The following SPOCK3 variants were observed in gnomAD, a reference collection of about 807,000 sequenced individuals.
SPOCK3 encodes the protein testican-3.
In SPOCK3, 30 loss-of-function variants were observed where a neutral mutation model predicts 56.6. The ratio of observed to expected loss-of-function variants is 0.53; its 90% CI spans 0.40 to 0.72. The LOEUF (loss-of-function observed/expected upper bound fraction) is 0.72, where lower values mean the gene tolerates loss of function less well. SPOCK3 is among the 30% of genes least tolerant of loss of function. The probability of loss-of-function intolerance (pLI) is 0.00; values close to 1 mark genes in which losing one functional copy is unlikely to be tolerated. For synonymous variants in SPOCK3, 196 were observed against 183.3 expected (o/e 1.07, Z -0.56); for missense variants, 527 against 530.0 (o/e 0.99, Z 0.06).
chr4:167,012,822 T>C (rs1382028192), intron 3 of SPOCK3, among the ~76,000 whole-genome samples: 1 of 152,028 alleles, frequency 6.6e-6, no homozygotes, highest in East Asian at 1.9e-4. Context: ...TGATAGCAGT[T>C]TCTTTCATTG....
At chr4:166,818,668 CTGT>C (rs2126752072) in intron 6 of SPOCK3, among the ~76,000 whole-genome samples, 1 of 152,030 alleles carries the variant, frequency 6.6e-6, no homozygotes, top group East Asian at 1.9e-4. Context: ...ATGGTAAAAG[CTGT>C]TGTTGAAAAT....
intron 5 of SPOCK3, among the ~76,000 whole-genome samples, chr4:166,910,328 T>G (rs1367311334): frequency 4.6e-5 from 7 of 152,164 alleles, no homozygotes; most frequent in Non-Finnish European, 8.8e-5. Flanking sequence ...AAGTGACATT[T>G]ATGTAAATAA....
At chr4:166,739,212 G>C (rs1734568371) in intron 9 of SPOCK3, among the ~76,000 whole-genome samples, 1 of 152,070 alleles carries the variant, frequency 6.6e-6, no homozygotes, top group South Asian at 2.1e-4. Flanking sequence ...GCATTTCTCT[G>C]ATGGCCAGTG....
At chr4:166,817,044 G>T (rs1037629) in intron 6 of SPOCK3, among the ~76,000 whole-genome samples, 1 of 151,810 alleles carries the variant, frequency 6.6e-6, no homozygotes, top group African/African-American at 2.4e-5. Flanking sequence ...TTGGCAGAAG[G>T]CCCAGACTCA....
rs145003655 is a variant in SPOCK3 at position 167,124,640 on chromosome 4, G to A, written c.190-62103C>T. On this transcript the variant is annotated intron_variant, in intron 2 of 10. Coordinates refer to ENST00000357545, the MANE Select transcript of SPOCK3 (RefSeq NM_001040159.2). Reference sequence around the variant, plus strand: ...GATGCAACAGCTTTCTATTAAGTTTGCCTTATCTTTTTTTTTTCTTGAGAC... The same window carrying A: ...GATGCAACAGCTTTCTATTAAGTTTACCTTATCTTTTTTTTTTCTTGAGAC... Among the ~76,000 whole-genome samples the A allele has an allele frequency of 2.7e-3, 391 of 147,452 alleles. 2 individuals are homozygous for A. The highest frequency in any genetic ancestry group is 3.5e-3 in the Middle Eastern group (1 of 288).
At chr4:166,862,707 T>A (rs1279913909) in intron 6 of SPOCK3, among the ~76,000 whole-genome samples, 1 of 152,050 alleles carries the variant, frequency 6.6e-6, no homozygotes, top group Non-Finnish European at 1.5e-5. Context: ...TTCTAGCAGA[T>A]AAGTCAAGTA....
In SPOCK3 at chr4:167,074,744, C is replaced by A. The variant is rs116681923; in HGVS notation, c.190-12207G>T. ...GAGGTTCTCTTCCACAGAGGGAGGG[C>A]GAGGAGTTGCTGGAAAATCTCTGGA... is the stretch of plus-strand genomic sequence containing the variant. On this transcript the variant is annotated intron_variant, in intron 2 of 10. Coordinates refer to ENST00000357545, the MANE Select transcript of SPOCK3 (RefSeq NM_001040159.2). Among the ~76,000 whole-genome samples, 13 of 151,846 alleles carry A rather than the reference C, an allele frequency of 8.6e-5. No individual in the cohort carries two copies. In the East Asian group the frequency reaches 1.6e-3, roughly 18 times the overall value.
chr4:166,928,134 C>A (rs976084759), intron 4 of SPOCK3, among the ~76,000 whole-genome samples: 1 of 152,124 alleles, frequency 6.6e-6, no homozygotes, highest in Admixed American at 6.5e-5. Flanking sequence ...GGTGGGAATG[C>A]AAAATGATAC....
At chr4:167,087,795 A>G (rs1307921773) in intron 2 of SPOCK3, among the ~76,000 whole-genome samples, 1 of 152,194 alleles carries the variant, frequency 6.6e-6, no homozygotes, top group East Asian at 1.9e-4. Context: ...ATGGACTATC[A>G]GGATAGAATT....
At chr4:167,214,942 C>T (rs1374986780) in intron 2 of SPOCK3, among the ~76,000 whole-genome samples, 1 of 151,308 alleles carries the variant, frequency 6.6e-6, no homozygotes, top group Non-Finnish European at 1.5e-5. Context: ...GTTGCATATG[C>T]CATGGCAAAC....
chr4:167,137,009 A>G (rs1330291233), intron 2 of SPOCK3, among the ~76,000 whole-genome samples: 1 of 152,090 alleles, frequency 6.6e-6, no homozygotes, highest in African/African-American at 2.4e-5. Context: ...TTGATTATGG[A>G]AAAATCCAGC....
At chr4:166,946,473 C>T (rs756259529) in intron 4 of SPOCK3, among the ~76,000 whole-genome samples, 2 of 152,180 alleles carry the variant, frequency 1.3e-5, no homozygotes, top group Non-Finnish European at 2.9e-5. Flanking sequence ...TTCCTGCTAA[C>T]CTGTGCCGCC....
chr4:166,934,131 A>G (rs1351203624), intron 4 of SPOCK3, among the ~76,000 whole-genome samples: 1 of 152,134 alleles, frequency 6.6e-6, no homozygotes. Context: ...CAAAGAAAAC[A>G]ATGGAGAAAA....
At chr4:167,203,821 T>G (rs1387409464) in intron 2 of SPOCK3, among the ~76,000 whole-genome samples, 1 of 152,250 alleles carries the variant, frequency 6.6e-6, no homozygotes, top group East Asian at 1.9e-4. Context: ...TTCTTATAGT[T>G]CAAACCACTT....
At chr4:167,139,861 T>C (rs904652345) in intron 2 of SPOCK3, among the ~76,000 whole-genome samples, 45 of 152,176 alleles carry the variant, frequency 3.0e-4, no homozygotes, top group Admixed American at 1.4e-3. Context: ...ATTTTTGTTT[T>C]ACAAAAGGCT....
At position 166,835,811 on chromosome 4, in the gene SPOCK3, C is replaced by A. The variant is rs1007353030; in HGVS notation, c.590-43522G>T. On this transcript the variant is annotated intron_variant, in intron 6 of 10. Transcript: ENST00000357545. ...GATCGGGAGTTCGAGACCAGCCTGA[C>A]CAACATGGAGAAACCCTGTCTCCAC... 6.6e-5 allele frequency among the ~76,000 whole-genome samples: 10 copies of A among 152,192 alleles called. 1 individual carries two copies. Among genetic ancestry groups the A allele is most frequent in the Admixed American group, 2.0e-4 (3 of 15,290 alleles).
chr4:167,000,032 A>G (rs1748787917), intron 4 of SPOCK3, among the ~76,000 whole-genome samples: 1 of 152,216 alleles, frequency 6.6e-6, no homozygotes, highest in African/African-American at 2.4e-5. Context: ...ACAAACAAAA[A>G]TATGTAGAGG....
chr4:166,893,345 A>G (rs2127022933), intron 5 of SPOCK3, among the ~76,000 whole-genome samples: 1 of 152,256 alleles, frequency 6.6e-6, no homozygotes, highest in East Asian at 1.9e-4. Flanking sequence ...ACAATTCTAC[A>G]AACCAACTGT....
At chr4:167,005,874 G>C (rs772144954) in intron 3 of SPOCK3, among the ~76,000 whole-genome samples, 2 of 152,056 alleles carry the variant, frequency 1.3e-5, no homozygotes, top group Non-Finnish European at 2.9e-5. Flanking sequence ...TTAGCATTTA[G>C]CTTCAAAAGG....
Sources: gnomAD v4.1 joint callset for allele counts (sites outside exome capture counted in the v4.1 genomes callset) on GRCh38, gnomAD v4.1.1 for gene constraint, MANE v1.5 for transcripts, NCBI Gene and HGNC (gene_info 2026-07-23, HGNC 2026-07-21) for gene names.